The following MAGI1 variants were observed in gnomAD, a reference collection of about 807,000 sequenced individuals.
The protein encoded by MAGI1 is membrane associated guanylate kinase, WW and PDZ domain containing 1, also known as membrane-associated guanylate kinase, WW and PDZ domain-containing protein 1.
A neutral mutation model predicts 139.9 loss-of-function variants in MAGI1; 58 were observed. The observed-to-expected ratio is 0.41, with a 90% CI of 0.34 to 0.52. The LOEUF (loss-of-function observed/expected upper bound fraction) is 0.52, where lower values mean the gene tolerates loss of function less well. MAGI1 is among the 20% of genes least tolerant of loss of function. The probability of loss-of-function intolerance (pLI) is 0.12; values close to 1 mark genes in which losing one functional copy is unlikely to be tolerated. For synonymous variants in MAGI1, 812 were observed against 737.9 expected (o/e 1.10, Z -1.63); for missense variants, 1,874 against 1,901.6 (o/e 0.99, Z 0.27).
intron 1 of MAGI1, among the ~76,000 whole-genome samples, chr3:65,974,288 G>A (rs1194454065): frequency 2.0e-5 from 3 of 149,628 alleles, no homozygotes; most frequent in Non-Finnish European, 4.4e-5. Flanking sequence ...CATAAAGAGT[G>A]AGCAAATGGG....
At chr3:65,410,599 G>A (rs1390156599) in intron 12 of MAGI1, among the ~76,000 whole-genome samples, 1 of 152,172 alleles carries the variant, frequency 6.6e-6, no homozygotes, top group Non-Finnish European at 1.5e-5. Context: ...ACCTACCACT[G>A]ACAACTGCTA....
chr3:65,749,630 C>G (rs886761746), intron 1 of MAGI1, among the ~76,000 whole-genome samples: 2 of 150,964 alleles, frequency 1.3e-5, no homozygotes, highest in East Asian at 3.9e-4. Flanking sequence ...AAAAAACCTA[C>G]TCATGTAACC....
At chr3:65,385,282 C>T (rs562183425) in intron 14 of MAGI1, among the ~76,000 whole-genome samples, 5 of 152,024 alleles carry the variant, frequency 3.3e-5, no homozygotes, top group African/African-American at 7.2e-5. Flanking sequence ...TTAATTCTTA[C>T]GTAATATTTT....
intron 18 of MAGI1, among the ~76,000 whole-genome samples, chr3:65,369,998 T>G (rs768228197): frequency 6.6e-6 from 1 of 152,186 alleles, no homozygotes; most frequent in Non-Finnish European, 1.5e-5. Context: ...CCAACACGCT[T>G]TCACAGAAAG....
At chr3:65,614,434 A>C (rs1319626833) in intron 2 of MAGI1, among the ~76,000 whole-genome samples, 2 of 152,196 alleles carry the variant, frequency 1.3e-5, no homozygotes, top group Non-Finnish European at 2.9e-5. Context: ...AATTTTCTTC[A>C]TTGGAAAATG....
intron 2 of MAGI1, among the ~76,000 whole-genome samples, chr3:65,574,165 T>C (rs976494116): frequency 6.6e-6 from 1 of 151,770 alleles, no homozygotes; most frequent in Non-Finnish European, 1.5e-5. Flanking sequence ...TAATCAGAAA[T>C]AGAAATTTTA....
At chr3:66,015,802 A>G (rs987675714) in intron 1 of MAGI1, among the ~76,000 whole-genome samples, 1 of 151,650 alleles carries the variant, frequency 6.6e-6, no homozygotes. Flanking sequence ...GAAAATGTCT[A>G]TACGCATTTT....
intron 18 of MAGI1, among the ~76,000 whole-genome samples, chr3:65,374,209 T>C (rs969774523): frequency 2.0e-5 from 3 of 152,062 alleles, no homozygotes; most frequent in African/African-American, 7.2e-5. Flanking sequence ...TTGGGACAAG[T>C]GTCACCTTCC....
intron 2 of MAGI1, among the ~76,000 whole-genome samples, chr3:65,575,523 T>C (rs1241162613): frequency 1.3e-5 from 2 of 152,118 alleles, no homozygotes. Context: ...CCACAGATAT[T>C]TACTCAAGAG....
chr3:65,979,528 T>C (rs1228795521), intron 1 of MAGI1, among the ~76,000 whole-genome samples: 1 of 152,206 alleles, frequency 6.6e-6, no homozygotes, highest in Admixed American at 6.6e-5. Context: ...CACTGTTGTC[T>C]TGCTTCAGGG....
At chr3:65,915,374 C>A (rs1370671272) in intron 1 of MAGI1, among the ~76,000 whole-genome samples, 1 of 152,230 alleles carries the variant, frequency 6.6e-6, no homozygotes, top group Admixed American at 6.5e-5. Context: ...AAACACCTTG[C>A]AATGTGCACA....
intron 1 of MAGI1, among the ~76,000 whole-genome samples, chr3:65,894,099 G>A (rs954048060): frequency 4.6e-5 from 7 of 152,110 alleles, no homozygotes; most frequent in African/African-American, 1.7e-4. Flanking sequence ...TAATCACATG[G>A]CCACCCCTCC....
At chr3:65,536,835 C>A (rs1035762128) in intron 2 of MAGI1, among the ~76,000 whole-genome samples, 1 of 152,156 alleles carries the variant, frequency 6.6e-6, no homozygotes, top group African/African-American at 2.4e-5. Context: ...CCTCTTCCCA[C>A]CAGAGATAAG....
At chr3:65,609,125 C>A (rs997302784) in intron 2 of MAGI1, among the ~76,000 whole-genome samples, 5 of 152,122 alleles carry the variant, frequency 3.3e-5, no homozygotes, top group Non-Finnish European at 5.9e-5. Context: ...AAGGGAGCTG[C>A]TGAAAACCTC....
intron 1 of MAGI1, among the ~76,000 whole-genome samples, chr3:65,818,300 C>A (rs1200430332): frequency 2.0e-5 from 3 of 152,168 alleles, no homozygotes; most frequent in African/African-American, 4.8e-5. Context: ...CTTACTGAGG[C>A]TCCATTTGCC....
intron 1 of MAGI1, among the ~76,000 whole-genome samples, chr3:65,986,088 G>C (rs77159482): frequency 1.3e-5 from 2 of 152,290 alleles, no homozygotes; most frequent in East Asian, 1.9e-4. Flanking sequence ...GATGTTTGTG[G>C]TCATTTCCTT....
chr3:65,453,234 C>T lies in MAGI1; in HGVS notation c.1042+24G>A, dbSNP rs183716951. 7.6e-4 allele frequency: 1,218 copies of T among 1,611,832 alleles called. 18 individuals carry two copies. The South Asian group carries it at 7.9e-3, about 10-fold the overall frequency. Reference sequence around the variant, plus strand: ...TGAACAGTGCCCCCAATTCACTTAACCCAAGACCTGCCTGGCCCCTTACCA... The same window carrying T: ...TGAACAGTGCCCCCAATTCACTTAATCCAAGACCTGCCTGGCCCCTTACCA... On this transcript the variant is annotated intron_variant, in intron 6 of 22. Coordinates refer to ENST00000402939, the MANE Select transcript of MAGI1 (RefSeq NM_001033057.2).
chr3:65,942,364 G>A (rs565454609), intron 1 of MAGI1, among the ~76,000 whole-genome samples: 7 of 152,226 alleles, frequency 4.6e-5, no homozygotes, highest in South Asian at 2.1e-4. Context: ...ATCTGAAGAC[G>A]TTTTATCTGT....
At chr3:65,722,645 A>G (rs1222611114) in intron 1 of MAGI1, among the ~76,000 whole-genome samples, 1 of 152,204 alleles carries the variant, frequency 6.6e-6, no homozygotes, top group Non-Finnish European at 1.5e-5. Flanking sequence ...AAACAAAAAA[A>G]TTACTTTGGA....
Sources: gnomAD v4.1 joint callset for allele counts (sites outside exome capture counted in the v4.1 genomes callset) on GRCh38, gnomAD v4.1.1 for gene constraint, MANE v1.5 for transcripts, NCBI Gene and HGNC (gene_info 2026-07-23, HGNC 2026-07-21) for gene names.